The following GPRASP3 variants were observed in gnomAD, a reference collection of about 807,000 sequenced individuals.
GPRASP3 encodes G protein-coupled receptor associated sorting protein 3.
At chrX:102,723,206 C>G in the GPRASP3 span, among the ~76,000 whole-genome samples, 1 of 111,808 alleles carries the variant, frequency 8.9e-6, no homozygotes, top group Non-Finnish European at 1.9e-5. Context: ...TCATATATCA[C>G]AATACATACA....
At chrX:102,722,793 A>G in the GPRASP3 span, among the ~76,000 whole-genome samples, 20 of 112,004 alleles carry the variant, frequency 1.8e-4, no homozygotes, top group Non-Finnish European at 3.8e-4. Flanking sequence ...GCTCTATGCC[A>G]GGAATATGGG....
chrX:102,742,333 C>T, the GPRASP3 span, among the ~76,000 whole-genome samples: 93 of 100,370 alleles, frequency 9.3e-4, no homozygotes, highest in Non-Finnish European at 1.9e-3. Context: ...GGGGCGGGGT[C>T]GGGGGGGACC....
the GPRASP3 span, among the ~76,000 whole-genome samples, chrX:102,724,260 A>T: frequency 9.0e-6 from 1 of 111,038 alleles, no homozygotes; most frequent in Non-Finnish European, 1.9e-5. Flanking sequence ...TTGGTTTCAA[A>T]TATTTGATAT....
chrX:102,721,568 C>T, the GPRASP3 span, among the ~76,000 whole-genome samples: 48 of 111,097 alleles, frequency 4.3e-4, no homozygotes, highest in African/African-American at 1.5e-3. Flanking sequence ...GCTGTGGGCC[C>T]TTCACCTAGG....
At chrX:102,743,585 A>G in the GPRASP3 span, among the ~76,000 whole-genome samples, 1 of 111,171 alleles carries the variant, frequency 9.0e-6, no homozygotes, top group African/African-American at 3.3e-5. Context: ...ATGGCATTGC[A>G]GTAAAGAAAG....
At chrX:102,737,144 A>G in the GPRASP3 span, among the ~76,000 whole-genome samples, 1 of 112,568 alleles carries the variant, frequency 8.9e-6, no homozygotes, top group Non-Finnish European at 1.9e-5. Context: ...ATAAGATTCA[A>G]GAAGAGAAAA....
chrX:102,744,016 C>A, the GPRASP3 span, among the ~76,000 whole-genome samples: 1 of 111,849 alleles, frequency 8.9e-6, no homozygotes, highest in South Asian at 3.8e-4. Flanking sequence ...GCTCCATCCT[C>A]CTAGCCTGGT....
chrX:102,743,526 G>C, the GPRASP3 span, among the ~76,000 whole-genome samples: 1 of 111,015 alleles, frequency 9.0e-6, no homozygotes, highest in Non-Finnish European at 1.9e-5. Flanking sequence ...GTAACCGCCC[G>C]ATGGGTTCTT....
At chrX:102,737,921 T>C in the GPRASP3 span, among the ~76,000 whole-genome samples, 2 of 110,887 alleles carry the variant, frequency 1.8e-5, no homozygotes, top group African/African-American at 6.6e-5. Context: ...TGAATAGCAA[T>C]TGGTCCCTTA....
the GPRASP3 span, among the ~76,000 whole-genome samples, chrX:102,745,626 A>G: frequency 3.6e-5 from 4 of 111,158 alleles, no homozygotes; most frequent in African/African-American, 6.6e-5. Context: ...GAAGGGGCAG[A>G]CACCCAGCAG....
At chrX:102,734,658 T>C in the GPRASP3 span, among the ~76,000 whole-genome samples, 1 of 111,534 alleles carries the variant, frequency 9.0e-6, no homozygotes, top group Non-Finnish European at 1.9e-5. Flanking sequence ...AAGACAATTG[T>C]CTGTGGATGA....
chrX:102,752,594 T>C, the GPRASP3 span: 1 of 123,739 alleles, frequency 8.1e-6, no homozygotes, highest in Non-Finnish European at 1.9e-5. Flanking sequence ...AACACTTATC[T>C]TTTCAATTTA....
At chrX:102,729,739 G>A in the GPRASP3 span, among the ~76,000 whole-genome samples, 3,107 of 111,463 alleles carry the variant, frequency 0.028, 46 homozygotes, top group Non-Finnish European at 0.04. Context: ...GCGTGGTGGC[G>A]GGTGCCTGTA....
chrX:102,720,969 CAG>C, the GPRASP3 span: 1 of 112,295 alleles, frequency 8.9e-6, no homozygotes, highest in Non-Finnish European at 1.9e-5. Context: ...GCTCAAGAAG[CAG>C]AGAGTCTACC....
At chrX:102,747,008 G>C in the GPRASP3 span, among the ~76,000 whole-genome samples, 8 of 111,833 alleles carry the variant, frequency 7.2e-5, no homozygotes, top group African/African-American at 2.6e-4. Flanking sequence ...TGTGGGTTCC[G>C]AGTAGAGGGG....
At chrX:102,740,527 T>A in the GPRASP3 span, among the ~76,000 whole-genome samples, 1 of 111,542 alleles carries the variant, frequency 9.0e-6, no homozygotes, top group African/African-American at 3.3e-5. Context: ...AACTTTTCAA[T>A]GTCCAAAAAT....
the GPRASP3 span, among the ~76,000 whole-genome samples, chrX:102,733,935 G>A: frequency 9.1e-6 from 1 of 109,329 alleles, no homozygotes; most frequent in Non-Finnish European, 1.9e-5. Context: ...ATTTGGGTAG[G>A]TAAAGGAAAA....
the GPRASP3 span, among the ~76,000 whole-genome samples, chrX:102,730,321 G>T: frequency 8.9e-6 from 1 of 111,870 alleles, no homozygotes; most frequent in Non-Finnish European, 1.9e-5. Flanking sequence ...AAGTGATGGG[G>T]AGTGGCTGTA....
the GPRASP3 span, among the ~76,000 whole-genome samples, chrX:102,722,154 C>T: frequency 8.9e-6 from 1 of 111,758 alleles, no homozygotes; most frequent in Non-Finnish European, 1.9e-5. Context: ...AGACAACAGT[C>T]ACAAGTAATG....
Sources: allele counts gnomAD v4.1 joint callset (sites outside exome capture counted in the v4.1 genomes callset), GRCh38; gene constraint gnomAD v4.1.1; transcripts MANE v1.5; gene names NCBI Gene and HGNC (gene_info 2026-07-23, HGNC 2026-07-21).